The following WDHD1 variants were observed in gnomAD, a reference collection of about 807,000 sequenced individuals.
WDHD1 encodes WD repeat and HMG-box DNA binding protein 1.
Under a neutral mutation model 135.4 loss-of-function variants are expected in WDHD1, and 111 were observed. The ratio of observed to expected loss-of-function variants is 0.82; its 90% CI spans 0.70 to 0.96. The LOEUF (loss-of-function observed/expected upper bound fraction) is 0.96. Ranked by LOEUF, WDHD1 falls within the 40% of genes least tolerant of loss-of-function variation. WDHD1 has a pLI of 0.00. For missense variants in WDHD1, 1,351 were observed against 1,336.3 expected (o/e 1.01, Z -0.17); for synonymous variants, 434 against 439.0 (o/e 0.99, Z 0.14).
intron 2 of WDHD1, among the ~76,000 whole-genome samples, chr14:55,013,902 A>G (rs2042217543): frequency 6.6e-6 from 1 of 152,018 alleles, no homozygotes; most frequent in African/African-American, 2.4e-5. Context: ...GCAAGACTCT[A>G]TCTCAAGGAA....
intron 10 of WDHD1, among the ~76,000 whole-genome samples, chr14:54,996,035 G>A (rs1446196426): frequency 6.6e-6 from 1 of 152,132 alleles, no homozygotes; most frequent in Non-Finnish European, 1.5e-5. Flanking sequence ...GGGATGGGAT[G>A]GGAGTATAGG....
At chr14:54,981,984 A>T (rs1447539979) in intron 15 of WDHD1, among the ~76,000 whole-genome samples, 1 of 151,624 alleles carries the variant, frequency 6.6e-6, no homozygotes, top group East Asian at 1.9e-4. Context: ...GATAATAATA[A>T]TTTCATTTAT....
At chr14:54,942,639 T>C (rs2040858082) in intron 25 of WDHD1, among the ~76,000 whole-genome samples, 1 of 152,196 alleles carries the variant, frequency 6.6e-6, no homozygotes. Flanking sequence ...AATGAGTATA[T>C]ATTCTTTGGG....
intron 7 of WDHD1, among the ~76,000 whole-genome samples, chr14:55,004,357 TTA>T (rs1055160944): frequency 2.0e-5 from 3 of 152,376 alleles, no homozygotes; most frequent in Admixed American, 1.3e-4. Flanking sequence ...TCTCATAACT[TTA>T]TGTTTTATTA....
At chr14:54,995,550 A>G in intron 11 of WDHD1, 53 bp downstream of exon 11, 1 of 1,393,390 alleles carries the variant, frequency 7.2e-7, no homozygotes, top group South Asian at 1.6e-5. Context: ...GTTAATAAAA[A>G]ATCTAAAATA....
At chr14:54,979,681 T>G (rs1351398980) in intron 16 of WDHD1, among the ~76,000 whole-genome samples, 1 of 152,216 alleles carries the variant, frequency 6.6e-6, no homozygotes, top group Admixed American at 6.5e-5. Flanking sequence ...ATTTAACTTT[T>G]GAACTAGTAA....
At chr14:54,955,483 G>A in intron 24 of WDHD1, 78 bp downstream of exon 24, 1 of 1,342,586 alleles carries the variant, frequency 7.4e-7, no homozygotes, top group Non-Finnish European at 9.7e-7. Context: ...AGGAATAACA[G>A]CATTGCATAA....
chr14:54,951,369 C>T (rs1223183646), intron 24 of WDHD1, among the ~76,000 whole-genome samples: 1 of 152,132 alleles, frequency 6.6e-6, no homozygotes, highest in African/African-American at 2.4e-5. Context: ...ACTATAAACA[C>T]CTCTATGCAA....
intron 2 of WDHD1, among the ~76,000 whole-genome samples, chr14:55,026,456 G>A (rs1342951242): frequency 2.0e-5 from 3 of 152,158 alleles, no homozygotes; most frequent in Non-Finnish European, 4.4e-5. Context: ...TAAGATGCAG[G>A]GAAGGGGAAA....
chr14:54,969,711 A>G (rs116607580), intron 16 of WDHD1, among the ~76,000 whole-genome samples: 186 of 152,300 alleles, frequency 1.2e-3, no homozygotes, highest in African/African-American at 4.3e-3. Context: ...TAAAGCCAGC[A>G]TTATCCTGAT....
chr14:55,006,364 C>G (rs1251402351), intron 7 of WDHD1, among the ~76,000 whole-genome samples: 1 of 152,014 alleles, frequency 6.6e-6, no homozygotes, highest in Non-Finnish European at 1.5e-5. Flanking sequence ...GTTACTGTAT[C>G]TTTTTCAATT....
At chr14:54,970,555 A>T (rs2041414421) in intron 16 of WDHD1, among the ~76,000 whole-genome samples, 1 of 151,946 alleles carries the variant, frequency 6.6e-6, no homozygotes, top group Non-Finnish European at 1.5e-5. Flanking sequence ...GATTAGAAGA[A>T]TCAATATCAT....
chr14:54,991,371 G>A lies in WDHD1; in HGVS notation c.1183C>T (p.Leu395Phe), dbSNP rs372094471. The A allele has an allele frequency of 9.3e-6, 15 of 1,613,966 alleles. No homozygotes were observed. The highest frequency in any genetic ancestry group is 1.3e-5 in the Non-Finnish European group (15 of 1,179,992). ...DISMLKTGSS[L>F]LKEEEEDGQE... ...CCATCTTCCTCCTCCTCTTTGAGAAGACTAGAACCAGTTTTTAGCATTGAA... is the reference window on the plus strand; with the variant it reads ...CCATCTTCCTCCTCCTCTTTGAGAAAACTAGAACCAGTTTTTAGCATTGAA... The change falls in exon 12 of 26, where the codon CTT (leucine) becomes TTT (phenylalanine). Residue 395 changes from leucine to phenylalanine, a missense_variant. Coordinates refer to ENST00000360586, the MANE Select transcript of WDHD1 (RefSeq NM_007086.4).
At chr14:55,022,993 T>A (rs923862972) in intron 2 of WDHD1, among the ~76,000 whole-genome samples, 6 of 151,800 alleles carry the variant, frequency 4.0e-5, no homozygotes, top group Non-Finnish European at 8.8e-5. Flanking sequence ...CCTGGCTAAT[T>A]TTTTGCATTT....
chr14:54,995,796 T>C lies in WDHD1; in HGVS notation c.960A>G (p.Glu320=). The C allele has an allele frequency of 6.3e-7, 1 of 1,599,730 alleles. No individual in the cohort carries two copies. The highest frequency in any genetic ancestry group is 8.5e-7 in the Non-Finnish European group (1 of 1,173,016). Reference sequence around the variant, plus strand: ...CATCAAAAAGATCATTATAATCCTTTTCCACTCTGCTAGATACCTTGAACA... The same window carrying C: ...CATCAAAAAGATCATTATAATCCTTCTCCACTCTGCTAGATACCTTGAACA... The part of the protein sequence containing the change: ...TSSSKVSSRV[E]KDYNDLFDGD... The change falls in exon 11 of 26, where the codon GAA becomes GAG. Residue 320 remains glutamate (E), a synonymous_variant. Coordinates refer to ENST00000360586, the MANE Select transcript of WDHD1 (RefSeq NM_007086.4).
chr14:54,962,886 T>C, intron 19 of WDHD1, 33 bp from the exon 20 acceptor site: 3 of 1,610,832 alleles, frequency 1.9e-6, no homozygotes, highest in Non-Finnish European at 2.5e-6. Flanking sequence ...AATAAAGAGC[T>C]ATGCAAAGAC....
intron 3 of WDHD1, among the ~76,000 whole-genome samples, chr14:55,011,640 T>C (rs2042172382): frequency 6.7e-6 from 1 of 150,226 alleles, no homozygotes; most frequent in Non-Finnish European, 1.5e-5. Context: ...GTTATATTCG[T>C]GTGTGTGTTT....
chr14:55,000,467 AT>A (rs1253121525), intron 10 of WDHD1, 35 bp downstream of exon 10: 2 of 1,534,656 alleles, frequency 1.3e-6, no homozygotes, highest in African/African-American at 1.4e-5. Context: ...TCACAGAAAC[AT>A]TTTGAAGAAA....
chr14:55,008,406 A>G (rs922348188), intron 5 of WDHD1, 40 bp from the exon 6 acceptor site: 16 of 1,577,494 alleles, frequency 1.0e-5, no homozygotes, highest in Non-Finnish European at 1.3e-5. Context: ...AGTCATAGCC[A>G]TAATACTACA....
Sources: allele counts gnomAD v4.1 joint callset (sites outside exome capture counted in the v4.1 genomes callset), GRCh38; gene constraint gnomAD v4.1.1; transcripts MANE v1.5; gene names NCBI Gene and HGNC (gene_info 2026-07-23, HGNC 2026-07-21).